The following CEP128 variants were observed in gnomAD, a reference collection of about 807,000 sequenced individuals.
CEP128 encodes the protein centrosomal protein 128kDa.
In CEP128, 132 loss-of-function variants were observed where a neutral mutation model predicts 156.7. That is an observed-to-expected ratio of 0.84 (90% confidence interval 0.73 to 0.97). CEP128 has a LOEUF of 0.97. Among genes scored for constraint, CEP128 ranks in the 50% least tolerant of loss-of-function variants. CEP128 has a pLI of 0.00. For missense variants in CEP128, 1,252 were observed against 1,281.9 expected (o/e 0.98, Z 0.36); for synonymous variants, 469 against 448.9 (o/e 1.04, Z -0.57).
chr14:80,515,104 C>T (rs76237599), intron 23 of CEP128, among the ~76,000 whole-genome samples: 11,160 of 152,252 alleles, frequency 0.073, 601 homozygotes, highest in African/African-American at 0.15. Flanking sequence ...CTCTCCATGA[C>T]AAGCTGCCTG....
At chr14:80,670,622 A>ATTT (rs1895801089) in intron 19 of CEP128, among the ~76,000 whole-genome samples, 1 of 152,144 alleles carries the variant, frequency 6.6e-6, no homozygotes, top group South Asian at 2.1e-4. Flanking sequence ...GATACTGGAG[A>ATTT]TTAGAAATAG....
intron 19 of CEP128, among the ~76,000 whole-genome samples, chr14:80,597,590 A>G (rs1892385675): frequency 1.3e-5 from 2 of 151,914 alleles, no homozygotes; most frequent in African/African-American, 4.8e-5. Flanking sequence ...TTCAATACCA[A>G]AAACAATAGA....
intron 19 of CEP128, among the ~76,000 whole-genome samples, chr14:80,599,085 A>G (rs910186203): frequency 1.3e-5 from 2 of 152,162 alleles, no homozygotes; most frequent in African/African-American, 4.8e-5. Flanking sequence ...TTCTTACTTC[A>G]TGTGAATCTA....
In CEP128 at chr14:80,526,985, G is replaced by GAAA; in HGVS notation, c.2959-4_2959-3insTTT. 1.5e-6 allele frequency: 2 copies of GAAA among 1,298,664 alleles called. No individual in the cohort carries two copies. The highest frequency in any genetic ancestry group is 2.6e-5 in the Admixed American group (1 of 38,416). The allele number at this position is 1,298,664 out of a possible 1,614,324, so 80.4% of individuals were successfully genotyped here. On this transcript the variant is annotated splice_region_variant and splice_polypyrimidine_tract_variant and intron_variant, in intron 22 of 24. Coordinates refer to ENST00000555265, the MANE Select transcript of CEP128 (RefSeq NM_152446.5). Reference sequence around the variant, plus strand: ...CTCTCAGATGAACTGCAGGAATCCTGGAAAAAAAAAAAAGCAAAGGGTCTG... The same window carrying GAAA: ...CTCTCAGATGAACTGCAGGAATCCTGAAAGAAAAAAAAAAAAGCAAAGGGTCTG...
chr14:80,658,906 T>A (rs1895284263), intron 19 of CEP128, among the ~76,000 whole-genome samples: 1 of 152,162 alleles, frequency 6.6e-6, no homozygotes, highest in Non-Finnish European at 1.5e-5. Context: ...ATAATGAGAC[T>A]GCTGACAGGG....
intron 9 of CEP128, among the ~76,000 whole-genome samples, chr14:80,841,774 AG>A: frequency 6.6e-6 from 1 of 152,112 alleles, no homozygotes; most frequent in East Asian, 1.9e-4. Context: ...TTAACAACTG[AG>A]GGCACTGCTT....
intron 17 of CEP128, among the ~76,000 whole-genome samples, chr14:80,757,902 T>G (rs1899750088): frequency 6.6e-6 from 1 of 152,214 alleles, no homozygotes; most frequent in South Asian, 2.1e-4. Context: ...TCCACCTTTC[T>G]ATCTAAATCT....
intron 13 of CEP128, among the ~76,000 whole-genome samples, chr14:80,808,462 A>C (rs1348603983): frequency 6.6e-6 from 1 of 152,130 alleles, no homozygotes; most frequent in Non-Finnish European, 1.5e-5. Context: ...GTTGGAACCC[A>C]GAGGGTCATC....
At chr14:80,530,737 T>C (rs1350927760) in intron 22 of CEP128, 72 bp downstream of exon 22, 1 of 1,078,620 alleles carries the variant, frequency 9.3e-7, no homozygotes. Context: ...TACTTTTCTT[T>C]GCACATCAGG....
In CEP128 at chr14:80,793,194, T is replaced by A. The variant is rs554133742; in HGVS notation, c.1210-84A>T. On this transcript the variant is annotated intron_variant, in intron 13 of 24. Coordinates refer to ENST00000555265, the MANE Select transcript of CEP128 (RefSeq NM_152446.5). ...CATATCATCAAACAAGAATCTCTAA[T>A]GTCACTGAAGTGGAAATCATCTGTA... 37 of 1,005,742 alleles carry A rather than the reference T, an allele frequency of 3.7e-5. 2 individuals are homozygous for A. The highest frequency in any genetic ancestry group is 2.7e-4 in the Admixed American group (12 of 43,830). 62.3% of individuals were successfully genotyped at this position (1,005,742 alleles called of 1,614,324 possible).
intron 3 of CEP128, 100 bp from the exon 4 acceptor site, chr14:80,914,508 T>C (rs1884436314): frequency 2.4e-6 from 2 of 840,090 alleles, no homozygotes; most frequent in African/African-American, 3.3e-5. Flanking sequence ...GTTTGTAAAA[T>C]GTACAACTTT....
intron 20 of CEP128, among the ~76,000 whole-genome samples, chr14:80,570,088 A>G (rs1196556157): frequency 6.6e-6 from 1 of 152,160 alleles, no homozygotes; most frequent in Non-Finnish European, 1.5e-5. Flanking sequence ...TTAATTGCCA[A>G]AACTGCATTG....
chr14:80,785,590 C>T (rs1901365410), intron 14 of CEP128, 45 bp from the exon 15 acceptor site: 1 of 1,415,444 alleles, frequency 7.1e-7, no homozygotes, highest in Non-Finnish European at 9.5e-7. Flanking sequence ...ATAAAAGTTA[C>T]TGTAAAATTC....
At chr14:80,621,343 T>A (rs1893470526) in intron 19 of CEP128, among the ~76,000 whole-genome samples, 1 of 152,194 alleles carries the variant, frequency 6.6e-6, no homozygotes, top group African/African-American at 2.4e-5. Context: ...AAATATCTAA[T>A]ATGTATTGTC....
chr14:80,618,027 C>T (rs931662844), intron 19 of CEP128, among the ~76,000 whole-genome samples: 12 of 152,102 alleles, frequency 7.9e-5, no homozygotes, highest in African/African-American at 2.4e-4. Flanking sequence ...AGATAATGCA[C>T]GTAAAACACT....
chr14:80,912,502 ATAAAT>A (rs1283182039), intron 4 of CEP128, among the ~76,000 whole-genome samples: 1 of 152,172 alleles, frequency 6.6e-6, no homozygotes, highest in African/African-American at 2.4e-5. Flanking sequence ...TTTTTCACTA[ATAAAT>A]TAAAAAGCAA....
chr14:80,956,836 T>G (rs913706083), intron 2 of CEP128, among the ~76,000 whole-genome samples: 2 of 152,182 alleles, frequency 1.3e-5, no homozygotes, highest in African/African-American at 2.4e-5. Context: ...CTCAGAGATA[T>G]CCTAGTGTCT....
At chr14:80,780,074 T>A (rs1446583466) in intron 15 of CEP128, among the ~76,000 whole-genome samples, 1 of 152,154 alleles carries the variant, frequency 6.6e-6, no homozygotes, top group African/African-American at 2.4e-5. Flanking sequence ...CAGCATGTCA[T>A]TAAAACATTT....
At chr14:80,616,026 G>A (rs951208856) in intron 19 of CEP128, among the ~76,000 whole-genome samples, 1 of 152,178 alleles carries the variant, frequency 6.6e-6, no homozygotes, top group Non-Finnish European at 1.5e-5. Flanking sequence ...CTAAGCAATA[G>A]CAGCAGCTGC....
Sources: allele counts gnomAD v4.1 joint callset (sites outside exome capture counted in the v4.1 genomes callset), GRCh38; gene constraint gnomAD v4.1.1; transcripts MANE v1.5; gene names NCBI Gene and HGNC (gene_info 2026-07-23, HGNC 2026-07-21).